Variants in SLC22A3 observed in about 807,000 individuals in gnomAD.
SLC22A3 encodes solute carrier family 22 member 3.
SLC22A3 carries 51 observed loss-of-function variants against 59.1 expected under a neutral mutation model. That is an observed-to-expected ratio of 0.86 (90% CI 0.69 to 1.09). The LOEUF (loss-of-function observed/expected upper bound fraction) is 1.09. Among genes scored for constraint, SLC22A3 ranks in the 50% least tolerant of loss-of-function variants. The probability of loss-of-function intolerance (pLI) is 0.00; values close to 1 mark genes in which losing one functional copy is unlikely to be tolerated. For synonymous variants in SLC22A3, 325 were observed against 292.0 expected, an observed-to-expected ratio of 1.11 and a Z score of -1.15; for missense variants, 711 against 726.3, an observed-to-expected ratio of 0.98 and a Z score of 0.24.
intron 2 of SLC22A3, among the ~76,000 whole-genome samples, chr6:160,401,628 T>C (rs750343348): frequency 3.3e-5 from 5 of 151,998 alleles, no homozygotes; most frequent in African/African-American, 4.8e-5. Flanking sequence ...ATTGAGAATA[T>C]GTTTCTTATT....
Position 160,397,933 on chromosome 6 carries a change from T to G in SLC22A3, c.430-46T>G, listed in dbSNP as rs202152001. On this transcript the variant is annotated intron_variant, in intron 1 of 10. Transcript: ENST00000275300. Reference sequence around the variant, plus strand: ...TACAAAAGATAAGGTGTTTTGAAGATCTGCATTCTGGCATGTCTCCATGTG... The same window carrying G: ...TACAAAAGATAAGGTGTTTTGAAGAGCTGCATTCTGGCATGTCTCCATGTG... The G allele has an allele frequency of 2.2e-6, 3 of 1,386,238 alleles. No homozygotes were observed. The East Asian group carries it at 6.9e-5, about 32-fold the overall frequency. 85.9% of individuals were successfully genotyped at this position (1,386,238 alleles called of 1,614,324 possible).
chr6:160,426,193 A>G, intron 5 of SLC22A3: 1 of 985,478 alleles, frequency 1.0e-6, no homozygotes, highest in Non-Finnish European at 1.2e-6. Flanking sequence ...AATACTTCTC[A>G]GCATTTTCAA....
chr6:160,410,071 C>G (rs1046033365), intron 4 of SLC22A3, among the ~76,000 whole-genome samples: 3 of 152,228 alleles, frequency 2.0e-5, no homozygotes, highest in African/African-American at 7.2e-5. Flanking sequence ...GGCTGGAGTG[C>G]AGTGGTGCGA....
At chr6:160,450,958 A>G (rs1415235193) in intron 10 of SLC22A3, 38 bp from the exon 11 acceptor site, 2 of 1,552,276 alleles carry the variant, frequency 1.3e-6, no homozygotes, top group Non-Finnish European at 1.8e-6. Context: ...AACTAGTTAC[A>G]TAATCTTTCC....
intron 1 of SLC22A3, among the ~76,000 whole-genome samples, chr6:160,394,411 T>G (rs935874232): frequency 6.6e-6 from 1 of 150,622 alleles, no homozygotes; most frequent in Non-Finnish European, 1.5e-5. Context: ...CCAGAGCTGT[T>G]GCATCAGCAG....
chr6:160,398,179 T>C (rs1786593469), intron 2 of SLC22A3, 97 bp downstream of exon 2: 1 of 944,786 alleles, frequency 1.1e-6, no homozygotes, highest in Admixed American at 1.8e-5. Flanking sequence ...ACAATATTTT[T>C]GCTAAATTCG....
intron 1 of SLC22A3, among the ~76,000 whole-genome samples, chr6:160,353,200 G>C (rs1163644067): frequency 1.3e-5 from 2 of 152,162 alleles, no homozygotes; most frequent in Admixed American, 1.3e-4. Flanking sequence ...CAGCAGAATG[G>C]CCAAACAGAT....
chr6:160,390,196 G>A (rs1290600083), intron 1 of SLC22A3, among the ~76,000 whole-genome samples: 1 of 152,008 alleles, frequency 6.6e-6, no homozygotes, highest in Non-Finnish European at 1.5e-5. Context: ...AGCCTGAGTG[G>A]CCTAAAAATC....
chr6:160,354,239 C>T (rs1392677211), intron 1 of SLC22A3, among the ~76,000 whole-genome samples: 1 of 152,202 alleles, frequency 6.6e-6, no homozygotes, highest in African/African-American at 2.4e-5. Context: ...TCCTAAATCC[C>T]AGCTCCTCTA....
intron 1 of SLC22A3, among the ~76,000 whole-genome samples, chr6:160,395,855 C>T (rs766457592): frequency 5.9e-5 from 9 of 152,134 alleles, no homozygotes; most frequent in African/African-American, 1.9e-4. Context: ...TAAGTAAATA[C>T]GATAGTTTAC....
intron 5 of SLC22A3, among the ~76,000 whole-genome samples, chr6:160,417,387 G>C (rs1489348305): frequency 2.6e-5 from 4 of 152,206 alleles, no homozygotes; most frequent in Non-Finnish European, 5.9e-5. Context: ...ACATGGCCAA[G>C]AAAAAGCTGT....
chr6:160,397,236 T>C (rs1284703968), intron 1 of SLC22A3, among the ~76,000 whole-genome samples: 2 of 152,010 alleles, frequency 1.3e-5, no homozygotes. Context: ...GCAACCGAGA[T>C]TTCATGCGCC....
At chr6:160,365,604 C>T (rs1296580824) in intron 1 of SLC22A3, among the ~76,000 whole-genome samples, 1 of 152,124 alleles carries the variant, frequency 6.6e-6, no homozygotes, top group Non-Finnish European at 1.5e-5. Flanking sequence ...TGATTTTTTT[C>T]ATTGTGATGA....
chr6:160,358,947 C>A (rs908854795), intron 1 of SLC22A3, among the ~76,000 whole-genome samples: 1 of 152,216 alleles, frequency 6.6e-6, no homozygotes, highest in African/African-American at 2.4e-5. Flanking sequence ...AGCTGTGGGG[C>A]TGCAGGGCTT....
chr6:160,350,674 A>G (rs1048033105), intron 1 of SLC22A3, among the ~76,000 whole-genome samples: 1 of 152,246 alleles, frequency 6.6e-6, no homozygotes, highest in African/African-American at 2.4e-5. Flanking sequence ...TGCATGAGTG[A>G]GTATGATCCA....
At position 160,393,464 on chromosome 6, in the gene SLC22A3, A is replaced by G. The variant is rs1360377746; in HGVS notation, c.430-4515A>G. ...CTCCCCCTACCACACAACAGTCCCC[A>G]GTGTGTGATGTTCCCCTTCCTGTGT... On this transcript the variant is annotated intron_variant, in intron 1 of 10. Transcript: ENST00000275300. Among the ~76,000 whole-genome samples the G allele has an allele frequency of 6.0e-5, 6 of 99,206 alleles. No homozygotes were observed. The East Asian group carries it at 1.1e-3, about 17-fold the overall frequency. The allele number at this position is 99,206 out of a possible 152,430, so 65.1% of individuals were successfully genotyped here.
intron 9 of SLC22A3, among the ~76,000 whole-genome samples, chr6:160,447,282 C>T (rs908988909): frequency 2.0e-5 from 3 of 152,118 alleles, no homozygotes; most frequent in Non-Finnish European, 4.4e-5. Flanking sequence ...AGGCTGGTCC[C>T]GGAGTAGACA....
intron 5 of SLC22A3, among the ~76,000 whole-genome samples, chr6:160,411,180 A>G (rs1056587737): frequency 1.3e-5 from 2 of 152,324 alleles, no homozygotes; most frequent in South Asian, 4.1e-4. Context: ...TTGAATTATT[A>G]TACTTTACTT....
chr6:160,410,408 C>T (rs1343291400), intron 4 of SLC22A3, among the ~76,000 whole-genome samples: 1 of 152,168 alleles, frequency 6.6e-6, no homozygotes, highest in African/African-American at 2.4e-5. Context: ...AAATCAGATT[C>T]CTAAGCTTTT....
Sources: allele counts gnomAD v4.1 joint callset (sites outside exome capture counted in the v4.1 genomes callset), GRCh38; gene constraint gnomAD v4.1.1; transcripts MANE v1.5; gene names NCBI Gene and HGNC (gene_info 2026-07-23, HGNC 2026-07-21).